The following ZFPM2 variants were observed in gnomAD, a reference collection of about 807,000 sequenced individuals.
ZFPM2 encodes the protein zinc finger protein ZFPM2.
Under a neutral mutation model 98.6 loss-of-function variants are expected in ZFPM2, and 20 were observed. The ratio of observed to expected loss-of-function variants is 0.20; its 90% confidence interval spans 0.14 to 0.29. The LOEUF is 0.29. Ranked by LOEUF, ZFPM2 falls within the 10% of genes least tolerant of loss-of-function variation. The pLI, the probability that ZFPM2 is intolerant of heterozygous loss-of-function variation, is 1.00. For missense variants in ZFPM2, 1,310 were observed against 1,388.6 expected (o/e 0.94, Z 0.90); for synonymous variants, 518 against 502.7 (o/e 1.03, Z -0.41).
At chr8:105,663,616 C>T (rs1421394301) in intron 5 of ZFPM2, among the ~76,000 whole-genome samples, 1 of 152,166 alleles carries the variant, frequency 6.6e-6, no homozygotes, top group Non-Finnish European at 1.5e-5. Flanking sequence ...AAGCATATTG[C>T]ACTTCTCAAA....
intron 5 of ZFPM2, among the ~76,000 whole-genome samples, chr8:105,703,653 C>T (rs769932504): frequency 4.2e-4 from 64 of 152,074 alleles, no homozygotes; most frequent in Non-Finnish European, 7.1e-4. Flanking sequence ...TTACATATGG[C>T]AACCTGAAAA....
chr8:105,683,985 G>A (rs1416512674), intron 5 of ZFPM2, among the ~76,000 whole-genome samples: 2 of 152,128 alleles, frequency 1.3e-5, no homozygotes, highest in African/African-American at 2.4e-5. Context: ...ATCATTCCAA[G>A]TTGAATAGGA....
intron 3 of ZFPM2, among the ~76,000 whole-genome samples, chr8:105,454,539 C>T (rs536994130): frequency 2.6e-5 from 4 of 152,246 alleles, no homozygotes; most frequent in East Asian, 1.9e-4. Flanking sequence ...GTGATAGTAC[C>T]GTGTATCAGG....
At chr8:105,339,173 A>G (rs1812380801) in intron 1 of ZFPM2, among the ~76,000 whole-genome samples, 1 of 151,876 alleles carries the variant, frequency 6.6e-6, no homozygotes, top group Non-Finnish European at 1.5e-5. Flanking sequence ...AACATTCTAC[A>G]CTTATGACAT....
chr8:105,723,153 A>G (rs1586220603), intron 5 of ZFPM2, among the ~76,000 whole-genome samples: 2 of 149,562 alleles, frequency 1.3e-5, no homozygotes, highest in South Asian at 4.2e-4. Context: ...TTCATCCCCC[A>G]CCCATTTTTT....
At chr8:105,451,347 CA>C (rs1292258332) in intron 3 of ZFPM2, among the ~76,000 whole-genome samples, 4 of 152,200 alleles carry the variant, frequency 2.6e-5, no homozygotes, top group Non-Finnish European at 4.4e-5. Context: ...CAATTATTTA[CA>C]GTAGAAGCTC....
At chr8:105,787,345 A>G (rs543015793) in intron 5 of ZFPM2, 1 of 152,312 alleles carries the variant, frequency 6.6e-6, no homozygotes, top group Admixed American at 6.5e-5. Context: ...ATTTTAGTGT[A>G]TTTGTTTGTT....
At chr8:105,726,457 A>G (rs1236696258) in intron 5 of ZFPM2, among the ~76,000 whole-genome samples, 1 of 151,832 alleles carries the variant, frequency 6.6e-6, no homozygotes, top group Non-Finnish European at 1.5e-5. Context: ...GCAAAGAACA[A>G]CTAATTCCAG....
At chr8:105,403,990 TAAA>T (rs1048377055) in intron 1 of ZFPM2, among the ~76,000 whole-genome samples, 1 of 127,776 alleles carries the variant, frequency 7.8e-6, no homozygotes, top group Admixed American at 8.4e-5. Flanking sequence ...TTATTGGTGT[TAAA>T]ACAACAACAA....
intron 3 of ZFPM2, among the ~76,000 whole-genome samples, chr8:105,557,313 G>C (rs974453948): frequency 3.3e-5 from 5 of 152,132 alleles, no homozygotes; most frequent in African/African-American, 9.7e-5. Flanking sequence ...CCAAGACCTT[G>C]CTTCTAGTTA....
chr8:105,487,958 C>A (rs1813268121), intron 3 of ZFPM2, among the ~76,000 whole-genome samples: 1 of 148,754 alleles, frequency 6.7e-6, no homozygotes, highest in South Asian at 2.2e-4. Context: ...AGCTATCTGT[C>A]ATGTCTTTTT....
chr8:105,391,205 C>T (rs1811100625), intron 1 of ZFPM2, among the ~76,000 whole-genome samples: 1 of 152,150 alleles, frequency 6.6e-6, no homozygotes, highest in Non-Finnish European at 1.5e-5. Flanking sequence ...ACTTCATGTC[C>T]CTGTGTCACA....
intron 1 of ZFPM2, among the ~76,000 whole-genome samples, chr8:105,398,932 G>A (rs1811278979): frequency 6.6e-6 from 1 of 152,172 alleles, no homozygotes; most frequent in African/African-American, 2.4e-5. Flanking sequence ...TCTGTGAGGA[G>A]CAGAGAGGGC....
intron 5 of ZFPM2, among the ~76,000 whole-genome samples, chr8:105,680,837 C>T (rs1277676482): frequency 3.3e-5 from 5 of 151,936 alleles, no homozygotes; most frequent in East Asian, 1.9e-4. Flanking sequence ...ATTCTTATAA[C>T]ATGAAAGTAA....
intron 4 of ZFPM2, among the ~76,000 whole-genome samples, chr8:105,578,660 C>A (rs972819803): frequency 2.0e-5 from 3 of 151,984 alleles, no homozygotes; most frequent in African/African-American, 7.2e-5. Context: ...GGCCACTTCA[C>A]CTGGATATTA....
At chr8:105,581,535 G>A (rs1358359461) in intron 4 of ZFPM2, among the ~76,000 whole-genome samples, 2 of 152,092 alleles carry the variant, frequency 1.3e-5, no homozygotes, top group East Asian at 1.9e-4. Context: ...AACCTCTTTT[G>A]TAGCTAGAAC....
chr8:105,726,076 G>A (rs971387795), intron 5 of ZFPM2, among the ~76,000 whole-genome samples: 1 of 151,706 alleles, frequency 6.6e-6, no homozygotes, highest in Admixed American at 6.6e-5. Context: ...CTGCTTCTCT[G>A]ACCATCAGTT....
At chr8:105,391,201 T>A (rs1811100571) in intron 1 of ZFPM2, among the ~76,000 whole-genome samples, 1 of 152,236 alleles carries the variant, frequency 6.6e-6, no homozygotes, top group African/African-American at 2.4e-5. Flanking sequence ...GCTCACTTCA[T>A]GTCCCTGTGT....
chr8:105,634,329 C>G lies in ZFPM2; in HGVS notation c.504C>G (p.Asn168Lys), dbSNP rs1317277547. The change falls in exon 5 of 8, where the codon AAC becomes AAG. Residue 168 changes from asparagine (N) to lysine (K), a missense_variant. Asn to Lys is a moderately conservative substitution (Grantham distance 94). Coordinates refer to ENST00000407775, the MANE Select transcript of ZFPM2 (RefSeq NM_012082.4). Reference sequence around the variant, plus strand: ...TGACTTGGCAAGGAGTGGAAGACAACAAAAACAACTGCATTGTGTACAGCA... The same window carrying G: ...TGACTTGGCAAGGAGTGGAAGACAAGAAAAACAACTGCATTGTGTACAGCA... ...LDVTWQGVED[N>K]KNNCIVYSKG... The G allele has an allele frequency of 1.9e-6, 3 of 1,612,288 alleles. No individual in the cohort carries two copies. Among genetic ancestry groups the G allele is most frequent in the African/African-American group, 2.7e-5 (2 of 74,974 alleles).
Sources: allele counts gnomAD v4.1 joint callset (sites outside exome capture counted in the v4.1 genomes callset), GRCh38; gene constraint gnomAD v4.1.1; transcripts MANE v1.5; gene names NCBI Gene and HGNC (gene_info 2026-07-23, HGNC 2026-07-21).